SSH2: variants seen among roughly 807,000 people sequenced by gnomAD.
SSH2 encodes the protein slingshot protein phosphatase 2, also known as protein phosphatase Slingshot homolog 2.
SSH2 carries 37 observed loss-of-function variants against 135.2 expected under a neutral mutation model. The observed-to-expected ratio is 0.27, with a 90% confidence interval of 0.21 to 0.36. The LOEUF is 0.36. Among genes scored for constraint, SSH2 ranks in the 10% least tolerant of loss-of-function variants. The probability of loss-of-function intolerance (pLI) is 1.00; values close to 1 mark genes in which losing one functional copy is unlikely to be tolerated. For synonymous variants in SSH2, 628 were observed against 646.2 expected (o/e 0.97, Z 0.43); for missense variants, 1,408 against 1,765.3 (o/e 0.80, Z 3.63).
At chr17:29,908,399 G>A (rs1026904532) in intron 1 of SSH2, among the ~76,000 whole-genome samples, 11 of 152,048 alleles carry the variant, frequency 7.2e-5, no homozygotes, top group East Asian at 1.9e-4. Context: ...TCAAGGCTGC[G>A]GTATACAGTG....
intron 13 of SSH2, among the ~76,000 whole-genome samples, chr17:29,649,069 A>G (rs578191871): frequency 6.6e-6 from 1 of 151,886 alleles, no homozygotes; most frequent in East Asian, 1.9e-4. Context: ...TAAACCTGGG[A>G]GGCGGAGGTT....
At chr17:29,837,577 C>T (rs2151375152) in intron 2 of SSH2, among the ~76,000 whole-genome samples, 1 of 152,200 alleles carries the variant, frequency 6.6e-6, no homozygotes, top group East Asian at 1.9e-4. Flanking sequence ...CAGCCAACTG[C>T]ACCACCCCCA....
chr17:29,819,365 T>C (rs1019049058), intron 2 of SSH2, among the ~76,000 whole-genome samples: 1 of 152,122 alleles, frequency 6.6e-6, no homozygotes, highest in Non-Finnish European at 1.5e-5. Flanking sequence ...AACAATGCCT[T>C]GAACAGCCCA....
chr17:29,850,678 A>C (rs979118061), intron 1 of SSH2, among the ~76,000 whole-genome samples: 1 of 152,176 alleles, frequency 6.6e-6, no homozygotes, highest in African/African-American at 2.4e-5. Flanking sequence ...ATAATCAGAA[A>C]TAACCAAATA....
At chr17:29,824,204 T>C (rs753840160) in intron 2 of SSH2, among the ~76,000 whole-genome samples, 2 of 152,190 alleles carry the variant, frequency 1.3e-5, no homozygotes, top group Non-Finnish European at 2.9e-5. Flanking sequence ...TACCTGAACA[T>C]GCCTTAAATA....
At chr17:29,657,733 G>A (rs2070195293) in intron 11 of SSH2, among the ~76,000 whole-genome samples, 1 of 151,572 alleles carries the variant, frequency 6.6e-6, no homozygotes, top group Non-Finnish European at 1.5e-5. Context: ...ACCATGCCTT[G>A]CTAATTTTTT....
At chr17:29,920,192 C>T (rs552493172) in intron 1 of SSH2, among the ~76,000 whole-genome samples, 3 of 152,282 alleles carry the variant, frequency 2.0e-5, no homozygotes, top group South Asian at 2.1e-4. Context: ...TGAGCCACCG[C>T]GCCCAGCTAT....
At chr17:29,858,525 A>G (rs2065705551) in intron 1 of SSH2, among the ~76,000 whole-genome samples, 1 of 152,176 alleles carries the variant, frequency 6.6e-6, no homozygotes, top group Admixed American at 6.5e-5. Flanking sequence ...TGGTTCCAAT[A>G]TGGGTAGGCC....
intron 1 of SSH2, among the ~76,000 whole-genome samples, chr17:29,929,042 A>G (rs977025483): frequency 6.6e-6 from 1 of 152,276 alleles, no homozygotes; most frequent in African/African-American, 2.4e-5. Flanking sequence ...TTAAAAATAA[A>G]TATTTTCAAA....
At chr17:29,851,122 T>C (rs952187172) in intron 1 of SSH2, among the ~76,000 whole-genome samples, 10 of 152,186 alleles carry the variant, frequency 6.6e-5, no homozygotes, top group Non-Finnish European at 1.2e-4. Context: ...ATATATAAAA[T>C]ATTTGAAGAC....
chr17:29,753,506 C>A (rs1009521603), intron 3 of SSH2, among the ~76,000 whole-genome samples: 10 of 151,270 alleles, frequency 6.6e-5, no homozygotes, highest in African/African-American at 2.4e-4. Context: ...TGGTTAAGAG[C>A]AAATTGGTGG....
chr17:29,777,294 C>G (rs1206680748), intron 3 of SSH2, among the ~76,000 whole-genome samples: 1 of 152,048 alleles, frequency 6.6e-6, no homozygotes, highest in Admixed American at 6.6e-5. Flanking sequence ...CTTACAGCAT[C>G]TATCTAGTTC....
intron 3 of SSH2, among the ~76,000 whole-genome samples, chr17:29,738,833 C>T (rs1477882912): frequency 6.6e-6 from 1 of 151,960 alleles, no homozygotes; most frequent in African/African-American, 2.4e-5. Context: ...GGATTACAGG[C>T]GTGAGCCACC....
At chr17:29,814,237 C>T (rs1567990851) in intron 2 of SSH2, among the ~76,000 whole-genome samples, 2 of 147,880 alleles carry the variant, frequency 1.4e-5, no homozygotes, top group East Asian at 4.0e-4. Context: ...AGTTCGAGAC[C>T]GTCCTGGCTA....
At chr17:29,696,230 T>C (rs988988444) in intron 4 of SSH2, among the ~76,000 whole-genome samples, 29 of 149,070 alleles carry the variant, frequency 1.9e-4, no homozygotes, top group African/African-American at 6.6e-4. Flanking sequence ...CGTATACATA[T>C]ACACAGAGTG....
At chr17:29,821,939 A>C (rs2042659815) in intron 2 of SSH2, among the ~76,000 whole-genome samples, 1 of 152,044 alleles carries the variant, frequency 6.6e-6, no homozygotes, top group African/African-American at 2.4e-5. Flanking sequence ...CTGCCAAACC[A>C]AGTCTATTTT....
rs1421361500 is a variant in SSH2 at position 29,667,373 on chromosome 17, G to T, written c.810-150C>A. 4.8e-6 allele frequency: 3 copies of T among 630,774 alleles called. No homozygotes were observed. In the East Asian group the frequency reaches 8.3e-5, roughly 18 times the overall value. 39.1% of individuals were successfully genotyped at this position (630,774 alleles called of 1,614,324 possible). A position where few individuals can be genotyped will look rare whatever the true frequency, so the allele number is the denominator to read the frequency against. On this transcript the variant is annotated intron_variant, in intron 9 of 15. Transcript: ENST00000540801. ...CTAGAGATCAACAACTTAGAGCGTG[G>T]GTCCCCAGTGAGTACCGGTCAGTGG...
chr17:29,721,760 A>T (rs1333179976), intron 3 of SSH2, among the ~76,000 whole-genome samples: 1 of 152,214 alleles, frequency 6.6e-6, no homozygotes, highest in East Asian at 1.9e-4. Context: ...ATGAGGAGGC[A>T]TGGATGTGTC....
chr17:29,922,334 TA>T, intron 1 of SSH2, among the ~76,000 whole-genome samples: 1 of 152,228 alleles, frequency 6.6e-6, no homozygotes, highest in East Asian at 1.9e-4. Flanking sequence ...AAAAAGCAAA[TA>T]GTTTGTAACA....
Sources: gnomAD v4.1 joint callset for allele counts (sites outside exome capture counted in the v4.1 genomes callset) on GRCh38, gnomAD v4.1.1 for gene constraint, MANE v1.5 for transcripts, NCBI Gene and HGNC (gene_info 2026-07-23, HGNC 2026-07-21) for gene names.